PRR27: variants seen among roughly 807,000 people sequenced by gnomAD.
PRR27 encodes proline-rich protein 27.
Under a neutral mutation model 16.8 loss-of-function variants are expected in PRR27, and 12 were observed. The ratio of observed to expected loss-of-function variants is 0.71; its 90% confidence interval spans 0.46 to 1.16. The LOEUF (loss-of-function observed/expected upper bound fraction) is 1.16. PRR27 is among the 50% of genes most tolerant of loss of function. The probability of loss-of-function intolerance (pLI) is 0.00; values close to 1 mark genes in which losing one functional copy is unlikely to be tolerated. For missense variants in PRR27, 277 were observed against 273.3 expected (o/e 1.01, Z -0.10); for synonymous variants, 100 against 98.4 (o/e 1.02, Z -0.10).
intron 3 of PRR27, 78 bp from the exon 4 acceptor site, chr4:70,161,508 A>T (rs1728648849): frequency 1.1e-6 from 1 of 880,210 alleles, no homozygotes; most frequent in Non-Finnish European, 1.8e-6. Context: ...AAGGTTATTT[A>T]GAAAAGATAG....
In PRR27 at chr4:70,160,632, T is replaced by C. The variant is rs1397840093; in HGVS notation, c.649-954T>C. Among the ~76,000 whole-genome samples, 3 of 152,078 alleles carry C rather than the reference T, an allele frequency of 2.0e-5. No individual in the cohort carries two copies. In the East Asian group the frequency reaches 5.8e-4, roughly 29 times the overall value. On this transcript the variant is annotated intron_variant, in intron 3 of 4. Transcript: ENST00000344526. ...GTTCCTTCTCATTTTTCTTCTCATG[T>C]TTGCACATTATTTTTGTTTTGAGCA... is the stretch of plus-strand genomic sequence containing the variant.
chr4:70,160,443 C>CTCTCTGTGTGTGTGTGTGTGTGTGTG (rs1298386504), intron 3 of PRR27, among the ~76,000 whole-genome samples: 6 of 68,704 alleles, frequency 8.7e-5, no homozygotes, highest in African/African-American at 2.9e-4. Context: ...CTCTCTCTCT[C>CTCTCTGTGTGTGTGTGTGTGTGTGTG]TGTGTGTGTG....
intron 3 of PRR27, 111 bp from the exon 4 acceptor site, chr4:70,161,475 A>G: frequency 1.6e-6 from 1 of 630,908 alleles, no homozygotes. Context: ...AGAGATCAGC[A>G]AAACACAACT....
rs1481589213 is a variant in PRR27 at position 70,164,753 on chromosome 4, C to T, written c.*2092C>T. On this transcript the variant is annotated 3_prime_UTR_variant, in exon 5 of 5. Transcript: ENST00000344526. Reference sequence around the variant, plus strand: ...AAACAACAGAAAGATGAAGATGAACCGAAATAGAAATATCAAGAGGCTACA... The same window carrying T: ...AAACAACAGAAAGATGAAGATGAACTGAAATAGAAATATCAAGAGGCTACA... 2.0e-5 allele frequency: 3 copies of T among 151,812 alleles called. No homozygotes were observed. Among genetic ancestry groups the T allele is most frequent in the African/African-American group, 4.8e-5 (2 of 41,420 alleles). The allele number at this position is 151,812 out of a possible 1,614,324, so 9.4% of individuals were successfully genotyped here.
chr4:70,161,759 A>C, intron 4 of PRR27, 129 bp downstream of exon 4: 1 of 448,396 alleles, frequency 2.2e-6, no homozygotes, highest in Non-Finnish European at 4.0e-6. Context: ...TTAGAGAAGC[A>C]CTGGTAGTTT....
At chr4:70,159,967 C>T (rs1465770931) in intron 3 of PRR27, among the ~76,000 whole-genome samples, 1 of 151,972 alleles carries the variant, frequency 6.6e-6, no homozygotes, top group East Asian at 1.9e-4. Flanking sequence ...TCTACCTGAC[C>T]TCAGGTCATA....
chr4:70,156,003 A>C, intron 1 of PRR27, 51 bp from the exon 2 acceptor site: 1 of 1,120,394 alleles, frequency 8.9e-7, no homozygotes, highest in South Asian at 1.4e-5. Context: ...ATGTAGGTGC[A>C]GATGTTTTCA....
intron 2 of PRR27, 28 bp downstream of exon 2, chr4:70,156,105 G>A: frequency 3.1e-6 from 4 of 1,281,980 alleles, no homozygotes; most frequent in Non-Finnish European, 4.2e-6. Context: ...TTACACGCAA[G>A]TATATTTGTT....
Position 70,158,479 on chromosome 4 carries a change from C to T in PRR27, c.227C>T (p.Pro76Leu). ...TYTDTGLPSY[P>L]WILTSPGFPY... ...ACTGACACAGGGTTACCTTCGTATC[C>T]CTGGATTCTAACTTCTCCTGGATTC... Residue 76 changes from proline (P) to leucine (L), a missense_variant, in exon 3 of 5, where the codon CCC becomes CTC. Transcript: ENST00000344526. 2 of 1,614,128 alleles carry T rather than the reference C, an allele frequency of 1.2e-6. No homozygotes were observed. The highest frequency in any genetic ancestry group is 1.7e-6 in the Non-Finnish European group (2 of 1,180,020).
In PRR27 at chr4:70,163,682, T is replaced by C. The variant is rs1258967481; in HGVS notation, c.*1021T>C. On this transcript the variant is annotated 3_prime_UTR_variant, in exon 5 of 5. Transcript: ENST00000344526. ...CCTGATCACATACACACATGCATTATCCACTGAGCAGTCACAATCAGATGT... is the reference window on the plus strand; with the variant it reads ...CCTGATCACATACACACATGCATTACCCACTGAGCAGTCACAATCAGATGT... 1 of 152,126 alleles carries C rather than the reference T, an allele frequency of 6.6e-6. No individual in the cohort carries two copies. Among genetic ancestry groups the C allele is most frequent in the Non-Finnish European group, 1.5e-5 (1 of 68,028 alleles). The allele number at this position is 152,126 out of a possible 1,614,324, so 9.4% of individuals were successfully genotyped here. A position where few individuals can be genotyped will look rare whatever the true frequency, so the allele number is the denominator to read the frequency against.
chr4:70,156,100 C>T (rs777015446), intron 2 of PRR27, 23 bp downstream of exon 2: 5 of 1,310,398 alleles, frequency 3.8e-6, no homozygotes, highest in African/African-American at 3.1e-5. Context: ...TTTCTTTACA[C>T]GCAAGTATAT....
At chr4:70,161,238 G>T in intron 3 of PRR27, among the ~76,000 whole-genome samples, 1 of 124,148 alleles carries the variant, frequency 8.1e-6, no homozygotes, top group African/African-American at 3.1e-5. Context: ...ATATATACCT[G>T]TAGCTCATGG....
chr4:70,159,780 G>A (rs774965144), intron 3 of PRR27, among the ~76,000 whole-genome samples: 6 of 152,242 alleles, frequency 3.9e-5, no homozygotes, highest in East Asian at 1.9e-4. Context: ...ACGGATAAAT[G>A]TTTTTATCCA....
Position 70,158,903 on chromosome 4 carries a change from A to C in PRR27, c.648+3A>C. 6.9e-7 allele frequency: 1 copy of C among 1,451,084 alleles called. No homozygotes were observed. Among genetic ancestry groups the C allele is most frequent in the Non-Finnish European group, 9.3e-7 (1 of 1,075,936 alleles). 89.9% of individuals were successfully genotyped at this position (1,451,084 alleles called of 1,614,324 possible). On this transcript the variant is annotated splice_donor_region_variant and intron_variant, in intron 3 of 4. Transcript: ENST00000344526. ...ACCCTTCTCCCTCTCTTGAACAGGT[A>C]GGTTGTTTATATCTTACCACTATAA...
At chr4:70,161,795 A>G (rs532782305) in intron 4 of PRR27, among the ~76,000 whole-genome samples, 165 bp downstream of exon 4, 25 of 152,310 alleles carry the variant, frequency 1.6e-4, no homozygotes, top group African/African-American at 6.0e-4. Flanking sequence ...TCAAACTATT[A>G]ACTCATGTCT....
intron 2 of PRR27, among the ~76,000 whole-genome samples, chr4:70,157,529 A>G (rs1045011355): frequency 6.6e-6 from 1 of 151,566 alleles, no homozygotes; most frequent in African/African-American, 2.4e-5. Context: ...TTATTTATAT[A>G]TATTTTTTGA....
rs1250158872 is a variant in PRR27, at chr4:70,163,581, G to C, written c.*920G>C. On this transcript the variant is annotated 3_prime_UTR_variant, in exon 5 of 5. Transcript: ENST00000344526. ...TCCGCCTCGGCCTCCCAAAGTGCTG[G>C]GAATACAGGCGTGAGCCACCGTGCC... The C allele has an allele frequency of 6.6e-6, 1 of 152,542 alleles. No homozygotes were observed. The highest frequency in any genetic ancestry group is 1.5e-5 in the Non-Finnish European group (1 of 68,502). The allele number at this position is 152,542 out of a possible 1,614,324, so 9.4% of individuals were successfully genotyped here. A position where few individuals can be genotyped will look rare whatever the true frequency, so the allele number is the denominator to read the frequency against.
intron 1 of PRR27, chr4:70,154,845 C>A: frequency 1.9e-6 from 2 of 1,038,540 alleles, no homozygotes; most frequent in Non-Finnish European, 2.6e-6. Context: ...AAATGCACAT[C>A]ATACCTTTAG....
chr4:70,158,413 G>A lies in PRR27; in HGVS notation c.161G>A (p.Arg54His), dbSNP rs770829246. ...AATTTACCACCTCCTCTTTATTATC[G>A]CCCAGTGAATACAGTCCCCAGTTAC... ...IRNLPPPLYY[R>H]PVNTVPSYPG... The change falls in exon 3 of 5, where the codon CGC becomes CAC. Residue 54 changes from arginine (R) to histidine (H), a missense_variant. By Grantham distance (29) the Arg-to-His change is conservative (BLOSUM62 0). Transcript: ENST00000344526. The A allele has an allele frequency of 1.1e-5, 18 of 1,613,164 alleles. No homozygotes were observed. The highest frequency in any genetic ancestry group is 1.4e-5 in the Non-Finnish European group (16 of 1,179,600).
Sources: allele counts gnomAD v4.1 joint callset (sites outside exome capture counted in the v4.1 genomes callset), GRCh38; gene constraint gnomAD v4.1.1; transcripts MANE v1.5; gene names NCBI Gene and HGNC (gene_info 2026-07-23, HGNC 2026-07-21).